Variants in PARD3B observed in about 807,000 individuals in gnomAD.
PARD3B encodes par-3 family cell polarity regulator beta, also known as partitioning defective 3 homolog B.
PARD3B carries 103 observed loss-of-function variants against 130.2 expected under a neutral mutation model. That is an observed-to-expected ratio of 0.79 (90% CI 0.67 to 0.93). The LOEUF is 0.93. PARD3B is among the 40% of genes least tolerant of loss of function. The probability of loss-of-function intolerance (pLI) is 0.00; values close to 1 mark genes in which losing one functional copy is unlikely to be tolerated. For missense variants in PARD3B, 1,609 were observed against 1,499.2 expected (o/e 1.07, Z -1.21); for synonymous variants, 583 against 553.2 (o/e 1.05, Z -0.76).
At chr2:205,531,550 T>C (rs1385247506) in intron 21 of PARD3B, among the ~76,000 whole-genome samples, 1 of 152,164 alleles carries the variant, frequency 6.6e-6, no homozygotes, top group Non-Finnish European at 1.5e-5. Context: ...AGGGATGGCA[T>C]TACTGCTGAG....
At chr2:204,565,196 C>T (rs2031595676) in intron 1 of PARD3B, among the ~76,000 whole-genome samples, 1 of 152,208 alleles carries the variant, frequency 6.6e-6, no homozygotes, top group African/African-American at 2.4e-5. Context: ...AGTTTCTTGT[C>T]ATGTGGGCTT....
intron 1 of PARD3B, among the ~76,000 whole-genome samples, chr2:204,625,965 A>C (rs544057659): frequency 6.6e-6 from 1 of 152,302 alleles, no homozygotes; most frequent in South Asian, 2.1e-4. Context: ...TATTATTTTG[A>C]ATTACCATGG....
At chr2:205,498,868 G>A (rs1268406516) in intron 20 of PARD3B, among the ~76,000 whole-genome samples, 8 of 152,100 alleles carry the variant, frequency 5.3e-5, no homozygotes, top group Non-Finnish European at 1.0e-4. Flanking sequence ...AGCACTCTGC[G>A]TTCCCATGAC....
intron 1 of PARD3B, among the ~76,000 whole-genome samples, chr2:204,587,771 A>G (rs2032892604): frequency 1.3e-5 from 2 of 152,060 alleles, no homozygotes. Flanking sequence ...AGTTCCCATA[A>G]TCCCCACATG....
At position 205,458,492 on chromosome 2, in the gene PARD3B, A is replaced by T. The variant is rs536335773; in HGVS notation, c.3044+17820A>T. Among the ~76,000 whole-genome samples the T allele has an allele frequency of 6.6e-6, 1 of 152,160 alleles. No homozygotes were observed. Among genetic ancestry groups the T allele is most frequent in the South Asian group, 2.1e-4 (1 of 4,814 alleles). On this transcript the variant is annotated intron_variant, in intron 20 of 22. Coordinates refer to ENST00000406610, the MANE Select transcript of PARD3B (RefSeq NM_001302769.2). This position sits in a 1 kb window ranked among gnomAD's most constrained non-coding sequence, Gnocchi z 4.8. ...GCCTGTGTGCTGTGTCCAGTCTTCTATTAAACCCTTCTGTTGAGCACTTAA... is the reference window on the plus strand; with the variant it reads ...GCCTGTGTGCTGTGTCCAGTCTTCTTTTAAACCCTTCTGTTGAGCACTTAA...
intron 3 of PARD3B, among the ~76,000 whole-genome samples, chr2:205,039,629 C>A (rs1427082793): frequency 2.0e-5 from 3 of 152,186 alleles, no homozygotes; most frequent in Non-Finnish European, 2.9e-5. Flanking sequence ...CACCACCACA[C>A]CCCACTAATC....
At chr2:205,042,843 A>T (rs1287974078) in intron 3 of PARD3B, among the ~76,000 whole-genome samples, 5 of 151,100 alleles carry the variant, frequency 3.3e-5, no homozygotes, top group Non-Finnish European at 7.4e-5. Context: ...CCCTGTCCTG[A>T]TGCATAAGGG....
chr2:204,640,974 A>G lies in PARD3B; in HGVS notation c.121-45207A>G, dbSNP rs2035057370. Among the ~76,000 whole-genome samples, 3 of 147,890 alleles carry G rather than the reference A, an allele frequency of 2.0e-5. 1 individual carries two copies. The highest frequency in any genetic ancestry group is 7.4e-5 in the African/African-American group (3 of 40,730). On this transcript the variant is annotated intron_variant, in intron 1 of 22. Transcript: ENST00000406610. ...TATATTTACTGTATATATAATATAT[A>G]TTTACTATACACACATATTTACTGT...
At chr2:204,920,770 T>C (rs2047645983) in intron 2 of PARD3B, among the ~76,000 whole-genome samples, 1 of 152,232 alleles carries the variant, frequency 6.6e-6, no homozygotes, top group Admixed American at 6.5e-5. Flanking sequence ...TGTTGTGTTT[T>C]ATTGCTGTCT....
rs1359683202 is a variant in PARD3B at position 205,105,909 on chromosome 2, G to A, written c.593+1395G>A. Among the ~76,000 whole-genome samples the A allele has an allele frequency of 6.6e-6, 1 of 151,818 alleles. No individual in the cohort carries two copies. The highest frequency in any genetic ancestry group is 1.9e-4 in the East Asian group (1 of 5,172). ...ACTAATAAGATTGTTTCTGGAGGTAGACATAATGATTGTAATGCTCTTATT... is the reference window on the plus strand; with the variant it reads ...ACTAATAAGATTGTTTCTGGAGGTAAACATAATGATTGTAATGCTCTTATT... On this transcript the variant is annotated intron_variant, in intron 5 of 22. Coordinates refer to ENST00000406610, the MANE Select transcript of PARD3B (RefSeq NM_001302769.2). The surrounding 1 kb of genome is among the most constrained non-coding windows in gnomAD (Gnocchi z 4.0).
chr2:205,511,770 G>C (rs184036405), intron 21 of PARD3B, among the ~76,000 whole-genome samples: 2 of 152,320 alleles, frequency 1.3e-5, no homozygotes, highest in Admixed American at 1.3e-4. Context: ...TATAGCACAT[G>C]TATCACTTAA....
chr2:205,472,881 G>C lies in PARD3B; in HGVS notation c.3045-27015G>C, dbSNP rs71427788. On this transcript the variant is annotated intron_variant, in intron 20 of 22. Coordinates refer to ENST00000406610, the MANE Select transcript of PARD3B (RefSeq NM_001302769.2). ...GGAAGTTGTATAGAGGGGGGGAACAGACAGAAAGGAACAGAACAATGAGTA... is the reference window on the plus strand; with the variant it reads ...GGAAGTTGTATAGAGGGGGGGAACACACAGAAAGGAACAGAACAATGAGTA... Among the ~76,000 whole-genome samples the C allele has an allele frequency of 3.4e-3, 513 of 152,234 alleles. 1 individual carries two copies. The highest frequency in any genetic ancestry group is 5.9e-3 in the Non-Finnish European group (399 of 67,990).
chr2:204,674,754 G>A (rs990414770), intron 1 of PARD3B, among the ~76,000 whole-genome samples: 5 of 152,110 alleles, frequency 3.3e-5, no homozygotes, highest in African/African-American at 1.2e-4. Flanking sequence ...CCTGTAAAAT[G>A]CTTTAAACCT....
At chr2:204,984,775 A>G (rs753804401) in intron 3 of PARD3B, among the ~76,000 whole-genome samples, 44 of 152,034 alleles carry the variant, frequency 2.9e-4, no homozygotes, top group Non-Finnish European at 5.4e-4. Context: ...GCACTTAGAT[A>G]TGGGATTAAT....
intron 4 of PARD3B, among the ~76,000 whole-genome samples, chr2:205,084,772 T>C (rs1701639298): frequency 6.6e-6 from 1 of 151,970 alleles, no homozygotes; most frequent in Non-Finnish European, 1.5e-5. Flanking sequence ...AGATGTAAGA[T>C]GTGTATTTAT....
At chr2:204,755,514 C>G (rs2040630107) in intron 2 of PARD3B, among the ~76,000 whole-genome samples, 1 of 152,052 alleles carries the variant, frequency 6.6e-6, no homozygotes, top group African/African-American at 2.4e-5. Context: ...TTGGCAAAAC[C>G]TCTTTGTTAA....
chr2:205,025,086 T>G (rs1340574912), intron 3 of PARD3B, among the ~76,000 whole-genome samples: 1 of 152,188 alleles, frequency 6.6e-6, no homozygotes, highest in Non-Finnish European at 1.5e-5. Flanking sequence ...TTTGTATTGT[T>G]GCTGTTTATC....
chr2:204,983,241 G>A (rs1692832404), intron 3 of PARD3B, among the ~76,000 whole-genome samples: 1 of 152,050 alleles, frequency 6.6e-6, no homozygotes, highest in South Asian at 2.1e-4. Flanking sequence ...TTATTTGGTA[G>A]TTTCATTCTC....
rs747320880 is a variant in PARD3B, at chr2:205,121,763, G to T, written c.979G>T (p.Gly327Ter). 6.2e-7 allele frequency: 1 copy of T among 1,614,012 alleles called. No homozygotes were observed. Among genetic ancestry groups the T allele is most frequent in the East Asian group, 2.2e-5 (1 of 44,862 alleles). The change falls in exon 8 of 23, where the codon GGA (glycine) becomes TGA (stop). Residue 327 changes from glycine (G) to a stop codon, truncating the protein, a stop_gained. Coordinates refer to ENST00000406610, the MANE Select transcript of PARD3B (RefSeq NM_001302769.2). LOFTEE classifies it high-confidence loss of function. This position sits in a 1 kb window ranked among gnomAD's most constrained non-coding sequence, Gnocchi z 5.0. Reference sequence around the variant, plus strand: ...GCCGCCTCCTGTCCATGGAAAATCGGGACTAAAGACAGCAAATCTCACAGG... The same window carrying T: ...GCCGCCTCCTGTCCATGGAAAATCGTGACTAAAGACAGCAAATCTCACAGG... ...KVPPPVHGKSGLKTANLTGTD... is the reference protein window; with the variant it reads ...KVPPPVHGKS
Sources: allele counts gnomAD v4.1 joint callset (sites outside exome capture counted in the v4.1 genomes callset), GRCh38; gene constraint gnomAD v4.1.1; non-coding constraint Gnocchi (gnomAD v3.1); transcripts MANE v1.5; gene names NCBI Gene and HGNC (gene_info 2026-07-23, HGNC 2026-07-21).